PDGFRL: variants seen among roughly 807,000 people sequenced by gnomAD.
The protein encoded by PDGFRL is platelet-derived growth factor receptor-like protein.
PDGFRL carries 46 observed loss-of-function variants against 37.2 expected under a neutral mutation model. That is an observed-to-expected ratio of 1.24 (90% CI 0.98 to 1.58). PDGFRL has a LOEUF of 1.58. Among genes scored for constraint, PDGFRL ranks in the 40% most tolerant of loss-of-function variants. The probability of loss-of-function intolerance (pLI) is 0.00; values close to 1 mark genes in which losing one functional copy is unlikely to be tolerated. For synonymous variants in PDGFRL, 251 were observed against 184.3 expected (o/e 1.36, Z -2.93); for missense variants, 692 against 467.6 (o/e 1.48, Z -4.43).
chr8:17,579,059 G>A (rs1056676048), intron 1 of PDGFRL, among the ~76,000 whole-genome samples: 5 of 152,054 alleles, frequency 3.3e-5, no homozygotes, highest in East Asian at 1.9e-4. Context: ...TTAGCCGGGC[G>A]TGGTGGTGGG....
Position 17,589,728 on chromosome 8 carries a change from C to A in PDGFRL, c.316C>A (p.Pro106Thr), listed in dbSNP as rs1386725334. ...CKGSRIGWSY[P>T]AYLDTFKDSR... ...AGGGAGTAGAATTGGGTGGAGCTACCCTGCGTATCTGGACACCTTTAAGGA... is the reference window on the plus strand; with the variant it reads ...AGGGAGTAGAATTGGGTGGAGCTACACTGCGTATCTGGACACCTTTAAGGA... The change falls in exon 2 of 6, where the codon CCT becomes ACT. Residue 106 changes from proline to threonine, a missense_variant. Pro to Thr is a conservative substitution (Grantham distance 38, BLOSUM62 -1). Transcript: ENST00000251630. 3 of 1,612,602 alleles carry A rather than the reference C, an allele frequency of 1.9e-6. No homozygotes were observed. The African/African-American group carries it at 4.0e-5, about 22-fold the overall frequency.
chr8:17,604,236 T>C (rs1804225651), intron 2 of PDGFRL, among the ~76,000 whole-genome samples: 1 of 152,176 alleles, frequency 6.6e-6, no homozygotes, highest in Non-Finnish European at 1.5e-5. Flanking sequence ...CATTACTGGG[T>C]ATATACCCAA....
chr8:17,614,180 C>T (rs1434113427), intron 2 of PDGFRL, among the ~76,000 whole-genome samples: 1 of 152,174 alleles, frequency 6.6e-6, no homozygotes, highest in Non-Finnish European at 1.5e-5. Context: ...AGGAATAGAG[C>T]TATTCCAGCC....
intron 1 of PDGFRL, among the ~76,000 whole-genome samples, chr8:17,583,239 T>G (rs1461745968): frequency 6.6e-6 from 1 of 152,082 alleles, no homozygotes. Context: ...GGGCACTGCC[T>G]AGGGGAGCCA....
chr8:17,577,281 T>C lies in PDGFRL; in HGVS notation c.29T>C (p.Leu10Pro). 1 of 1,613,124 alleles carries C rather than the reference T, an allele frequency of 6.2e-7. No individual in the cohort carries two copies. Among genetic ancestry groups the C allele is most frequent in the South Asian group, 1.1e-5 (1 of 90,822 alleles). Residue 10 changes from leucine (L) to proline (P), a missense_variant, in exon 1 of 6, where the codon CTG becomes CCG. Leu to Pro is a moderately conservative substitution (Grantham distance 98). Coordinates refer to ENST00000251630, the MANE Select transcript of PDGFRL (RefSeq NM_001372073.1). Reference protein sequence around the residue: MKVWLLLGLLLVHEALEDVT... With the variant: MKVWLLLGLPLVHEALEDVT... ...AAGGTCTGGCTGCTGCTTGGTCTTC[T>C]GCTGGTGCACGAAGCGCTGGAGGAT...
intron 1 of PDGFRL, among the ~76,000 whole-genome samples, chr8:17,586,014 C>A (rs965981592): frequency 6.6e-6 from 1 of 152,024 alleles, no homozygotes; most frequent in Admixed American, 6.5e-5. Flanking sequence ...TGCAGTGGTG[C>A]GATCTCAGCT....
intron 3 of PDGFRL, among the ~76,000 whole-genome samples, chr8:17,622,670 A>C (rs895718334): frequency 1.3e-5 from 2 of 152,208 alleles, no homozygotes; most frequent in Non-Finnish European, 2.9e-5. Context: ...ACAGACACTT[A>C]AAAGAGTGCG....
intron 4 of PDGFRL, among the ~76,000 whole-genome samples, chr8:17,629,767 C>T (rs1804824083): frequency 6.6e-6 from 1 of 152,066 alleles, no homozygotes; most frequent in Non-Finnish European, 1.5e-5. Context: ...ATGTCAACCA[C>T]AACCACTGTG....
Position 17,608,416 on chromosome 8 carries a change from A to T in PDGFRL, c.354-12635A>T, listed in dbSNP as rs28705932. Among the ~76,000 whole-genome samples, 9 of 152,178 alleles carry T rather than the reference A, an allele frequency of 5.9e-5. No homozygotes were observed. The South Asian group carries it at 1.9e-3, about 32-fold the overall frequency. ...AACCAACATTGATACAAGTGAATCA[A>T]TGTTGAACGTGCCCTCATGCGTTTA... On this transcript the variant is annotated intron_variant, in intron 2 of 5. Transcript: ENST00000251630.
At chr8:17,616,025 T>A (rs1479550425) in intron 2 of PDGFRL, among the ~76,000 whole-genome samples, 3 of 152,206 alleles carry the variant, frequency 2.0e-5, no homozygotes, top group African/African-American at 7.2e-5. Context: ...TAGCTATCAT[T>A]ATTGTTACTA....
At chr8:17,596,184 C>T (rs963525040) in intron 2 of PDGFRL, 6 of 416,332 alleles carry the variant, frequency 1.4e-5, no homozygotes, top group Admixed American at 4.4e-5. Context: ...AGTTAGGAGC[C>T]CACATTCAAT....
intron 2 of PDGFRL, among the ~76,000 whole-genome samples, chr8:17,618,691 C>G (rs1042733839): frequency 2.0e-5 from 3 of 152,172 alleles, no homozygotes; most frequent in African/African-American, 7.2e-5. Flanking sequence ...AGATTCTTTC[C>G]TTTTCCATCA....
chr8:17,612,638 T>G (rs2129725460), intron 2 of PDGFRL, among the ~76,000 whole-genome samples: 1 of 152,350 alleles, frequency 6.6e-6, no homozygotes, highest in East Asian at 1.9e-4. Flanking sequence ...CCCAAAGTGC[T>G]GGGATTACAG....
upstream of PDGFRL, chr8:17,576,993 AC>A (rs1399196779): frequency 5.5e-6 from 3 of 541,638 alleles, no homozygotes; most frequent in African/African-American, 4.0e-5. Flanking sequence ...TGTACATTTC[AC>A]GCTTAGCCTT....
At chr8:17,611,791 G>A (rs920426501) in intron 2 of PDGFRL, among the ~76,000 whole-genome samples, 7 of 152,226 alleles carry the variant, frequency 4.6e-5, no homozygotes, top group Admixed American at 4.6e-4. Flanking sequence ...GATACGTGAT[G>A]AAAGGCATCT....
At chr8:17,590,869 A>C (rs1027965925) in intron 2 of PDGFRL, among the ~76,000 whole-genome samples, 2 of 89,450 alleles carry the variant, frequency 2.2e-5, no homozygotes, top group African/African-American at 6.5e-5. Context: ...ACTGCTTCTC[A>C]TTATTATTAT....
At chr8:17,609,665 A>AAAT (rs869133686) in intron 2 of PDGFRL, among the ~76,000 whole-genome samples, 8 of 97,544 alleles carry the variant, frequency 8.2e-5, no homozygotes, top group Non-Finnish European at 1.4e-4. Context: ...AAAAAAAAAA[A>AAAT]TAAGAGCCAA....
At chr8:17,630,468 G>T (rs191668967) in intron 4 of PDGFRL, among the ~76,000 whole-genome samples, 5 of 152,308 alleles carry the variant, frequency 3.3e-5, no homozygotes, top group South Asian at 2.1e-4. Flanking sequence ...TATCCAACAG[G>T]CTTGCTGGGT....
rs957489104 is a variant in PDGFRL at position 17,628,883 on chromosome 8, CTT to C, written c.799+106_799+107del. On this transcript the variant is annotated intron_variant, in intron 4 of 5. Coordinates refer to ENST00000251630, the MANE Select transcript of PDGFRL (RefSeq NM_001372073.1). ...TGGAATAAGGAAGCTCCATGAGTGC[CTT>C]TTGTTTCATTGTTGTTGGGTTGTTG... 24 of 734,258 alleles carry C rather than the reference CTT, an allele frequency of 3.3e-5. No homozygotes were observed. In the Admixed American group the frequency reaches 6.1e-4, roughly 19 times the overall value. The allele number at this position is 734,258 out of a possible 1,614,324, so 45.5% of individuals were successfully genotyped here.
Sources: gnomAD v4.1 joint callset for allele counts (sites outside exome capture counted in the v4.1 genomes callset) on GRCh38, gnomAD v4.1.1 for gene constraint, MANE v1.5 for transcripts, NCBI Gene and HGNC (gene_info 2026-07-23, HGNC 2026-07-21) for gene names.